RFX3: variants seen among roughly 807,000 people sequenced by gnomAD.
RFX3 encodes the protein transcription factor RFX3.
A neutral mutation model predicts 98.6 loss-of-function variants in RFX3; 14 were observed. The ratio of observed to expected loss-of-function variants is 0.14; its 90% CI spans 0.09 to 0.22. RFX3 has a LOEUF of 0.22. RFX3 is among the 10% of genes least tolerant of loss of function. The pLI is 1.00. For missense variants in RFX3, 639 were observed against 926.9 expected, an observed-to-expected ratio of 0.69 and a Z score of 4.03; for synonymous variants, 383 against 328.4, an observed-to-expected ratio of 1.17 and a Z score of -1.80.
intron 11 of RFX3, among the ~76,000 whole-genome samples, chr9:3,269,155 G>C (rs1824042715): frequency 6.6e-6 from 1 of 151,834 alleles, no homozygotes; most frequent in South Asian, 2.1e-4. Flanking sequence ...AAAATTGTGA[G>C]ATAATGTCAG....
intron 4 of RFX3, among the ~76,000 whole-genome samples, chr9:3,312,801 GC>G (rs1487538974): frequency 6.6e-6 from 1 of 152,228 alleles, no homozygotes; most frequent in Non-Finnish European, 1.5e-5. Context: ...CTGCAAGGTG[GC>G]AGTGAGGCTG....
chr9:3,512,793 C>G (rs1364941900), intron 1 of RFX3, among the ~76,000 whole-genome samples: 1 of 152,024 alleles, frequency 6.6e-6, no homozygotes, highest in Non-Finnish European at 1.5e-5. Context: ...ATTGTTCATT[C>G]AATAAATTAT....
At chr9:3,519,516 T>C (rs1441739452) in intron 1 of RFX3, among the ~76,000 whole-genome samples, 1 of 152,218 alleles carries the variant, frequency 6.6e-6, no homozygotes, top group East Asian at 1.9e-4. Flanking sequence ...ATTGAACACA[T>C]ATTGTGTCAA....
At chr9:3,270,612 A>T in intron 10 of RFX3, 87 bp from the exon 11 acceptor site, 3 of 1,334,448 alleles carry the variant, frequency 2.2e-6, no homozygotes, top group Non-Finnish European at 2.1e-6. Flanking sequence ...AGTTTACCAA[A>T]TATTACTGAG....
intron 2 of RFX3, among the ~76,000 whole-genome samples, chr9:3,393,753 C>T (rs1288127872): frequency 1.4e-5 from 2 of 146,876 alleles, no homozygotes; most frequent in East Asian, 1.9e-4. Context: ...AAAAACATAA[C>T]CAATAAAGTG....
intron 1 of RFX3, among the ~76,000 whole-genome samples, chr9:3,421,318 C>G (rs991603567): frequency 3.3e-5 from 5 of 152,140 alleles, no homozygotes; most frequent in African/African-American, 1.2e-4. Context: ...GAAGAAACCC[C>G]TATTGATTAA....
intron 12 of RFX3, among the ~76,000 whole-genome samples, chr9:3,263,601 T>C (rs1194539088): frequency 1.3e-5 from 2 of 152,198 alleles, no homozygotes; most frequent in African/African-American, 2.4e-5. Context: ...CTTTATTTTA[T>C]AGAAACGAGT....
intron 1 of RFX3, among the ~76,000 whole-genome samples, chr9:3,454,192 G>C (rs1846939369): frequency 6.6e-6 from 1 of 151,914 alleles, no homozygotes; most frequent in South Asian, 2.1e-4. Context: ...ACTTTATCTT[G>C]GGTTGTAAAA....
chr9:3,353,855 G>C (rs1835439528), intron 2 of RFX3, among the ~76,000 whole-genome samples: 1 of 151,934 alleles, frequency 6.6e-6, no homozygotes. Flanking sequence ...TCAATCAATA[G>C]AAACAGACCT....
chr9:3,340,699 A>T lies in RFX3; in HGVS notation c.215+5968T>A, dbSNP rs1471007890. ...CAGAGAAATGCAAATCAAAACCACA[A>T]TGAGATACCATCTCACACCAGTTAG... On this transcript the variant is annotated intron_variant, in intron 3 of 16. Transcript: ENST00000617270. 3.9e-5 allele frequency among the ~76,000 whole-genome samples: 6 copies of T among 152,218 alleles called. No homozygotes were observed. In the East Asian group the frequency reaches 7.7e-4, roughly 20 times the overall value.
intron 2 of RFX3, among the ~76,000 whole-genome samples, chr9:3,358,618 G>C (rs966583549): frequency 3.9e-5 from 6 of 152,056 alleles, no homozygotes. Context: ...ATTAAATAGT[G>C]AAAATACTGA....
At chr9:3,293,351 G>C in intron 5 of RFX3, 93 bp from the exon 6 acceptor site, 3 of 893,714 alleles carry the variant, frequency 3.4e-6, no homozygotes. Flanking sequence ...GAAATACTTA[G>C]AAGTTCTTCA....
At chr9:3,510,776 G>A (rs771564964) in intron 1 of RFX3, among the ~76,000 whole-genome samples, 13 of 151,844 alleles carry the variant, frequency 8.6e-5, no homozygotes, top group South Asian at 4.1e-4. Flanking sequence ...TTACATTTAC[G>A]TTTTATTCAC....
intron 1 of RFX3, among the ~76,000 whole-genome samples, chr9:3,521,512 C>T (rs772433816): frequency 6.6e-6 from 1 of 152,146 alleles, no homozygotes; most frequent in Non-Finnish European, 1.5e-5. Context: ...GCACAGCACC[C>T]TCTGGTGCAT....
chr9:3,361,194 C>CATT (rs1033267918), intron 2 of RFX3, among the ~76,000 whole-genome samples: 1 of 152,110 alleles, frequency 6.6e-6, no homozygotes, highest in African/African-American at 2.4e-5. Flanking sequence ...AAAGGACCCA[C>CATT]ATTATAACAG....
At chr9:3,244,627 C>A (rs545757603) in intron 15 of RFX3, among the ~76,000 whole-genome samples, 2 of 152,308 alleles carry the variant, frequency 1.3e-5, no homozygotes, top group African/African-American at 2.4e-5. Flanking sequence ...CACCCCTTAC[C>A]TTCAGATTCT....
intron 1 of RFX3, among the ~76,000 whole-genome samples, chr9:3,465,567 G>C (rs1361479840): frequency 6.7e-6 from 1 of 150,212 alleles, no homozygotes; most frequent in Non-Finnish European, 1.5e-5. Context: ...GCCTCCCAAA[G>C]TACTGAGATT....
At chr9:3,288,286 T>A in intron 6 of RFX3, 36 bp from the exon 7 acceptor site, 1 of 1,598,148 alleles carries the variant, frequency 6.3e-7, no homozygotes, top group Non-Finnish European at 8.6e-7. Flanking sequence ...GAAACAAAAG[T>A]CAGTCAAACT....
In RFX3 at chr9:3,262,965, G is replaced by A. The variant is rs1050938346; in HGVS notation, c.1575C>T (p.Asp525=). The A allele has an allele frequency of 1.2e-6, 2 of 1,613,702 alleles. No homozygotes were observed. Among genetic ancestry groups the A allele is most frequent in the Admixed American group, 1.7e-5 (1 of 59,994 alleles). ...CATTGGCAAAGTCGACACGGTTGAG[G>A]TCACTAAGCATCTGGTTGATTTGGG... is the stretch of plus-strand genomic sequence containing the variant. ...NTSQINQMLS[D]LNRVDFANVQ... Residue 525 remains aspartate, a synonymous_variant, in exon 13 of 17, where the codon GAC becomes GAT. Transcript: ENST00000617270.
Sources: gnomAD v4.1 joint callset for allele counts (sites outside exome capture counted in the v4.1 genomes callset) on GRCh38, gnomAD v4.1.1 for gene constraint, MANE v1.5 for transcripts, NCBI Gene and HGNC (gene_info 2026-07-23, HGNC 2026-07-21) for gene names.